Variants in ERG observed in about 807,000 individuals in gnomAD.
The protein encoded by ERG is ETS transcription factor ERG.
In ERG, 9 loss-of-function variants were observed where a neutral mutation model predicts 55.3. The observed-to-expected ratio is 0.16, with a 90% confidence interval of 0.10 to 0.28. The LOEUF is 0.28. Ranked by LOEUF, ERG falls within the 10% of genes least tolerant of loss-of-function variation. The pLI, the probability that ERG is intolerant of heterozygous loss-of-function variation, is 1.00. For missense variants in ERG, 434 were observed against 631.6 expected, an observed-to-expected ratio of 0.69 and a Z score of 3.35; for synonymous variants, 223 against 237.3, an observed-to-expected ratio of 0.94 and a Z score of 0.55.
rs145277353 is a variant in ERG, at chr21:38,454,426, C to T, written c.19-8805G>A. 2.3e-3 allele frequency among the ~76,000 whole-genome samples: 345 copies of T among 152,312 alleles called. 2 individuals are homozygous for T. The highest frequency in any genetic ancestry group is 7.9e-3 in the African/African-American group (328 of 41,566). On this transcript the variant is annotated intron_variant, in intron 1 of 9. Transcript: ENST00000288319. ...GCCAGAAATGCAGATTCCGAGTCTC[C>T]AGCCCTGCTGAGTCAGAATCTGCTT...
At chr21:38,534,317 G>T (rs1470770202) in intron 2 of ERG, among the ~76,000 whole-genome samples, 2 of 152,062 alleles carry the variant, frequency 1.3e-5, no homozygotes, top group African/African-American at 4.8e-5. Flanking sequence ...GTTTGGGAGA[G>T]AAAGTTGTTT....
intron 1 of ERG, among the ~76,000 whole-genome samples, chr21:38,634,469 TGCCAAGAAGAAACTTCTAACTAG>T (rs2060376118): frequency 6.6e-6 from 1 of 152,178 alleles, no homozygotes; most frequent in African/African-American, 2.4e-5. Context: ...GCATTAAGAA[TGCCAAGAAGAAACTTCTAACTAG>T]ACCCCAAATA....
chr21:38,401,793 C>G (rs1988507500), intron 5 of ERG, among the ~76,000 whole-genome samples: 1 of 152,132 alleles, frequency 6.6e-6, no homozygotes, highest in Non-Finnish European at 1.5e-5. Flanking sequence ...GAACCAGGAA[C>G]ACATTCATCC....
intron 1 of ERG, among the ~76,000 whole-genome samples, chr21:38,583,123 A>G (rs2060040065): frequency 6.6e-6 from 1 of 152,228 alleles, no homozygotes; most frequent in Non-Finnish European, 1.5e-5. Flanking sequence ...CCTTGAAAGC[A>G]TTGGTCGCTG....
At chr21:38,508,425 G>T (rs1209164390) in intron 2 of ERG, among the ~76,000 whole-genome samples, 1 of 152,020 alleles carries the variant, frequency 6.6e-6, no homozygotes, top group Non-Finnish European at 1.5e-5. Context: ...CTGTAAGAAC[G>T]AATGAATGAA....
chr21:38,549,116 AAACAAAACAAAAC>A (rs968145801), intron 2 of ERG, among the ~76,000 whole-genome samples: 4 of 152,000 alleles, frequency 2.6e-5, no homozygotes, highest in Non-Finnish European at 4.4e-5. Flanking sequence ...CTGTCTCAAA[AAACAAAACAAAAC>A]AACAAAACAA....
downstream of ERG, among the ~76,000 whole-genome samples, chr21:38,377,218 T>TATA (rs890661286): frequency 6.6e-6 from 1 of 152,256 alleles, no homozygotes; most frequent in Admixed American, 6.5e-5. Context: ...GGCACTAAGC[T>TATA]ATTATTATTA....
intron 2 of ERG, among the ~76,000 whole-genome samples, chr21:38,570,871 C>T (rs2146854514): frequency 6.6e-6 from 1 of 152,320 alleles, no homozygotes; most frequent in Non-Finnish European, 1.5e-5. Flanking sequence ...GTCCAGTCCT[C>T]ATTCCATCGG....
intron 6 of ERG, 63 bp downstream of exon 6, chr21:38,400,511 G>T: frequency 7.7e-7 from 1 of 1,305,140 alleles, no homozygotes; most frequent in Non-Finnish European, 1.1e-6. Flanking sequence ...CTTAGGGCAC[G>T]GATCTCAGCA....
chr21:38,403,070 C>T (rs1029836159), intron 4 of ERG, among the ~76,000 whole-genome samples: 11 of 152,310 alleles, frequency 7.2e-5, no homozygotes, highest in African/African-American at 2.6e-4. Flanking sequence ...TTGTTCTGTG[C>T]TCAGGTTAGA....
intron 2 of ERG, among the ~76,000 whole-genome samples, chr21:38,549,420 C>A (rs77245513): frequency 0.013 from 2,054 of 152,296 alleles, 51 homozygotes; most frequent in African/African-American, 0.047. Flanking sequence ...CCGAAATCTA[C>A]AACTAAAGAT....
chr21:38,528,590 G>A (rs1164894405), intron 2 of ERG, among the ~76,000 whole-genome samples: 1 of 91,820 alleles, frequency 1.1e-5, no homozygotes, highest in African/African-American at 3.6e-5. Context: ...TGGGACTACA[G>A]GCACCCGCCA....
chr21:38,587,070 A>G (rs2060070278), upstream of ERG, among the ~76,000 whole-genome samples: 1 of 152,224 alleles, frequency 6.6e-6, no homozygotes, highest in Non-Finnish European at 1.5e-5. Flanking sequence ...TCACTTATAC[A>G]TAGCATCTGA....
intron 1 of ERG, among the ~76,000 whole-genome samples, chr21:38,624,631 G>T (rs1370334243): frequency 6.6e-6 from 1 of 152,094 alleles, no homozygotes; most frequent in East Asian, 1.9e-4. Context: ...GTGATGGGAC[G>T]ACCTGGATTT....
Position 38,390,915 on chromosome 21 carries a change from C to T in ERG, c.919+80G>A, listed in dbSNP as rs1987939733. 7.9e-6 allele frequency: 9 copies of T among 1,134,186 alleles called. No individual in the cohort carries two copies. The South Asian group carries it at 8.8e-5, about 11-fold the overall frequency. The allele number at this position is 1,134,186 out of a possible 1,614,324, so 70.3% of individuals were successfully genotyped here. A position where few individuals can be genotyped will look rare whatever the true frequency, so the allele number is the denominator to read the frequency against. ...AATCTGTTCAGTTGAAGGAATTTCT[C>T]ACCAATACCAATTTACTTTTCAAAA... is the stretch of plus-strand genomic sequence containing the variant. On this transcript the variant is annotated intron_variant, in intron 9 of 9. Coordinates refer to ENST00000288319, the MANE Select transcript of ERG (RefSeq NM_182918.4).
chr21:38,402,501 A>T, intron 5 of ERG, 56 bp downstream of exon 5: 1 of 1,338,032 alleles, frequency 7.5e-7, no homozygotes, highest in Non-Finnish European at 1.1e-6. Context: ...AAAGCATGCA[A>T]CCTGTACGTA....
At chr21:38,402,712 C>CAAAAAAAAAAAA (rs759434219) in intron 4 of ERG, 75 bp from the exon 5 acceptor site, 10 of 165,212 alleles carry the variant, frequency 6.1e-5, no homozygotes, top group African/African-American at 7.1e-5. Flanking sequence ...ACCTTTCTTA[C>CAAAAAAAAAAAA]AAAAAAAAAA....
the ERG span, among the ~76,000 whole-genome samples, chr21:38,373,972 C>T: frequency 2.2e-3 from 342 of 152,136 alleles, 1 homozygote; most frequent in African/African-American, 7.7e-3. Flanking sequence ...TATGCTTTTA[C>T]ATCCCTCATC....
At chr21:38,394,455 C>A (rs1443867165) in intron 6 of ERG, among the ~76,000 whole-genome samples, 1 of 152,024 alleles carries the variant, frequency 6.6e-6, no homozygotes, top group Non-Finnish European at 1.5e-5. Flanking sequence ...CAGGTTCACA[C>A]CATTCTCCTG....
Sources: allele counts gnomAD v4.1 joint callset (sites outside exome capture counted in the v4.1 genomes callset), GRCh38; gene constraint gnomAD v4.1.1; transcripts MANE v1.5; gene names NCBI Gene and HGNC (gene_info 2026-07-23, HGNC 2026-07-21).